WIPF1: variants seen among roughly 807,000 people sequenced by gnomAD.
WIPF1 encodes the protein WAS/WASL-interacting protein family member 1.
A neutral mutation model predicts 35.4 loss-of-function variants in WIPF1; 13 were observed. That is an observed-to-expected ratio of 0.37 (90% confidence interval 0.24 to 0.58). The LOEUF is 0.58. Among genes scored for constraint, WIPF1 ranks in the 20% least tolerant of loss-of-function variants. The probability of loss-of-function intolerance (pLI) is 0.74; values close to 1 mark genes in which losing one functional copy is unlikely to be tolerated. For missense variants in WIPF1, 591 were observed against 667.0 expected (o/e 0.89, Z 1.25); for synonymous variants, 267 against 266.3 (o/e 1.00, Z -0.02).
intron 1 of WIPF1, chr2:174,677,220 C>A (rs901133781): frequency 6.6e-6 from 1 of 151,986 alleles, no homozygotes; most frequent in Admixed American, 6.5e-5. Context: ...AAATTTGTTT[C>A]TTGGCATCTT....
At chr2:174,581,160 A>G (rs868324316) in intron 3 of WIPF1, 150 bp downstream of exon 3, 1 of 1,110,832 alleles carries the variant, frequency 9.0e-7, no homozygotes, top group African/African-American at 1.6e-5. Flanking sequence ...GCTGCGGCCT[A>G]CAGGGAGTGA....
intron 1 of WIPF1, among the ~76,000 whole-genome samples, chr2:174,591,633 A>C (rs1685610754): frequency 6.6e-6 from 1 of 151,950 alleles, no homozygotes; most frequent in South Asian, 2.1e-4. Context: ...ATTTGCATAA[A>C]TGACTTTAAA....
intron 1 of WIPF1, among the ~76,000 whole-genome samples, chr2:174,634,897 G>A (rs532074255): frequency 6.6e-6 from 1 of 152,308 alleles, no homozygotes; most frequent in East Asian, 1.9e-4. Flanking sequence ...TTCAGCAGCT[G>A]AGAAGGGGCA....
chr2:174,680,846 C>T (rs111426242), intron 1 of WIPF1, among the ~76,000 whole-genome samples: 7 of 152,260 alleles, frequency 4.6e-5, no homozygotes, highest in African/African-American at 1.7e-4. Context: ...TTGCTGCTTC[C>T]TTCACACCCC....
intron 1 of WIPF1, among the ~76,000 whole-genome samples, chr2:174,632,138 A>G (rs967873880): frequency 5.3e-5 from 8 of 152,192 alleles, no homozygotes; most frequent in African/African-American, 1.9e-4. Flanking sequence ...AGTCATTCCT[A>G]TCTAAAAATT....
intron 1 of WIPF1, among the ~76,000 whole-genome samples, chr2:174,631,898 G>A (rs576919023): frequency 6.6e-5 from 10 of 152,204 alleles, no homozygotes; most frequent in East Asian, 3.9e-4. Flanking sequence ...TGTGGATGTC[G>A]ACCCGCAGTG....
chr2:174,661,063 C>A (rs567663747), intron 1 of WIPF1, among the ~76,000 whole-genome samples: 1 of 152,218 alleles, frequency 6.6e-6, no homozygotes, highest in Non-Finnish European at 1.5e-5. Flanking sequence ...CGGCTCACAG[C>A]AGACTGATTC....
chr2:174,576,243 A>ACAAAAAAAAAAAAAC lies in WIPF1; in HGVS notation c.182-864_182-863insGTTTTTTTTTTTTTG, dbSNP rs1472519844. 6.9e-4 allele frequency among the ~76,000 whole-genome samples: 104 copies of ACAAAAAAAAAAAAAC among 150,470 alleles called. 3 individuals carry two copies. Among genetic ancestry groups the ACAAAAAAAAAAAAAC allele is most frequent in the African/African-American group, 2.5e-3 (100 of 40,030 alleles). ...ACTGCACTCCAGCAAAAAAAAAAAA[A>ACAAAAAAAAAAAAAC]AAAAAACACTAAGCAAATATCCACA... is the stretch of plus-strand genomic sequence containing the variant. On this transcript the variant is annotated intron_variant, in intron 3 of 7. Coordinates refer to ENST00000679041, the MANE Select transcript of WIPF1 (RefSeq NM_001375834.1).
At chr2:174,675,026 C>T (rs1688099001) in intron 1 of WIPF1, among the ~76,000 whole-genome samples, 1 of 151,684 alleles carries the variant, frequency 6.6e-6, no homozygotes, top group African/African-American at 2.4e-5. Flanking sequence ...TATTAAGCAG[C>T]CATGCCATAA....
chr2:174,566,042 C>T (rs1411187266), intron 7 of WIPF1: 1 of 152,108 alleles, frequency 6.6e-6, no homozygotes, highest in South Asian at 2.1e-4. Context: ...CACCACCATG[C>T]CCAGCTAATT....
intron 1 of WIPF1, among the ~76,000 whole-genome samples, chr2:174,591,873 C>T (rs1685626312): frequency 6.6e-6 from 1 of 152,212 alleles, no homozygotes; most frequent in South Asian, 2.1e-4. Context: ...AGCCTCGACT[C>T]ACTTGTTAAA....
chr2:174,567,354 A>C (rs1684694510), intron 6 of WIPF1, among the ~76,000 whole-genome samples, 171 bp from the exon 7 acceptor site: 1 of 152,240 alleles, frequency 6.6e-6, no homozygotes, highest in African/African-American at 2.4e-5. Flanking sequence ...GAATTAGTAC[A>C]CTGACATATA....
In WIPF1 at chr2:174,671,284, A is replaced by G. The variant is rs147281042; in HGVS notation, c.-39+11490T>C. On this transcript the variant is annotated intron_variant, in intron 1 of 8. Coordinates refer to the WIPF1 transcript ENST00000272746. ...AGTTATGAAGATTTCATGGACATTT[A>G]TCACTTCCCCAATCAATACTCTTGT... Among the ~76,000 whole-genome samples, 842 of 152,324 alleles carry G rather than the reference A, an allele frequency of 5.5e-3. 8 individuals are homozygous for G. The highest frequency in any genetic ancestry group is 0.018 in the African/African-American group (730 of 41,558).
At chr2:174,563,085 C>T (rs1389319985) in intron 7 of WIPF1, among the ~76,000 whole-genome samples, 1 of 152,190 alleles carries the variant, frequency 6.6e-6, no homozygotes, top group African/African-American at 2.4e-5. Flanking sequence ...AATATGACTA[C>T]ACTACAGTCT....
intron 1 of WIPF1, among the ~76,000 whole-genome samples, chr2:174,649,714 T>C (rs1007378124): frequency 6.6e-6 from 1 of 152,194 alleles, no homozygotes; most frequent in Non-Finnish European, 1.5e-5. Flanking sequence ...ACAATAAATG[T>C]TGTTTTCCTG....
At chr2:174,567,620 A>G (rs1015754437) in intron 6 of WIPF1, among the ~76,000 whole-genome samples, 1 of 152,216 alleles carries the variant, frequency 6.6e-6, no homozygotes, top group Non-Finnish European at 1.5e-5. Context: ...CTAAAATGAG[A>G]CCCAAACAAA....
chr2:174,608,903 G>A (rs1013071137), intron 1 of WIPF1, among the ~76,000 whole-genome samples: 2 of 152,142 alleles, frequency 1.3e-5, no homozygotes, highest in Non-Finnish European at 2.9e-5. Flanking sequence ...GACACTAAAG[G>A]CCCCTCCCTT....
In WIPF1 at chr2:174,572,153, T is replaced by C; in HGVS notation, c.652A>G (p.Thr218Ala). 1 of 1,608,828 alleles carries C rather than the reference T, an allele frequency of 6.2e-7. No individual in the cohort carries two copies. Among genetic ancestry groups the C allele is most frequent in the Non-Finnish European group, 8.5e-7 (1 of 1,178,268 alleles). ...GGPRQPSPGP[T>A]PPPFPGNRGT... ...CGGTTTCCAGGGAAAGGGGGAGGAGTGGGCCCGGGGCTGGGCTGCCTGGGG... is the reference window on the plus strand; with the variant it reads ...CGGTTTCCAGGGAAAGGGGGAGGAGCGGGCCCGGGGCTGGGCTGCCTGGGG... Residue 218 changes from threonine to alanine, a missense_variant, in exon 5 of 8, where the codon ACT (threonine) becomes GCT (alanine). Around this residue, in one of 3 missense-constraint regions of WIPF1, gnomAD observed 471 missense variants for 501.1 expected, o/e 0.94. Coordinates refer to ENST00000679041, the MANE Select transcript of WIPF1 (RefSeq NM_001375834.1).
intron 1 of WIPF1, among the ~76,000 whole-genome samples, chr2:174,621,303 TGAA>T (rs1473764156): frequency 9.2e-5 from 14 of 152,040 alleles, no homozygotes; most frequent in Admixed American, 9.2e-4. Flanking sequence ...AGACAGGCAA[TGAA>T]GGAGGAAGGC....
Sources: gnomAD v4.1 joint callset for allele counts (sites outside exome capture counted in the v4.1 genomes callset) on GRCh38, gnomAD v4.1.1 for gene constraint, gnomAD v4.1.1 regional missense constraint, MANE v1.5 for transcripts, NCBI Gene and HGNC (gene_info 2026-07-23, HGNC 2026-07-21) for gene names.